Variants in PTPRT observed in about 807,000 individuals in gnomAD.
PTPRT encodes receptor-type tyrosine-protein phosphatase T.
PTPRT carries 56 observed loss-of-function variants against 176.8 expected under a neutral mutation model. The observed-to-expected ratio is 0.32, with a 90% CI of 0.26 to 0.40. The LOEUF (loss-of-function observed/expected upper bound fraction) is 0.40. PTPRT is among the 10% of genes least tolerant of loss of function. The pLI, the probability that PTPRT is intolerant of heterozygous loss-of-function variation, is 1.00. For synonymous variants in PTPRT, 783 were observed against 739.0 expected (o/e 1.06, Z -0.96); for missense variants, 1,540 against 1,908.2 (o/e 0.81, Z 3.60).
intron 6 of PTPRT, among the ~76,000 whole-genome samples, chr20:42,693,258 A>G (rs1360498305): frequency 2.6e-5 from 4 of 152,192 alleles, no homozygotes; most frequent in Non-Finnish European, 5.9e-5. Context: ...CATGAATTAG[A>G]AGAATCAATA....
intron 7 of PTPRT, among the ~76,000 whole-genome samples, chr20:42,630,545 C>T (rs1332468560): frequency 1.3e-5 from 2 of 152,160 alleles, no homozygotes; most frequent in Non-Finnish European, 2.9e-5. Flanking sequence ...GGGTTTCAGG[C>T]TAGCTTGCTA....
intron 4 of PTPRT, among the ~76,000 whole-genome samples, chr20:42,775,064 G>T (rs1363313020): frequency 6.6e-6 from 1 of 152,096 alleles, no homozygotes; most frequent in Non-Finnish European, 1.5e-5. Flanking sequence ...GGTTGACCTT[G>T]GTACCCAGGT....
At chr20:43,031,905 A>C (rs781279013) in intron 1 of PTPRT, among the ~76,000 whole-genome samples, 3 of 151,910 alleles carry the variant, frequency 2.0e-5, no homozygotes, top group Non-Finnish European at 4.4e-5. Flanking sequence ...AGGTAACTGT[A>C]CTCCCCAACC....
At chr20:42,759,162 G>A (rs758252682) in intron 5 of PTPRT, among the ~76,000 whole-genome samples, 7 of 152,184 alleles carry the variant, frequency 4.6e-5, no homozygotes, top group Non-Finnish European at 8.8e-5. Flanking sequence ...GGCATTTCAG[G>A]GCCACCATGG....
chr20:42,590,927 C>CGTGTGTGTGTGT (rs11468131), intron 7 of PTPRT, among the ~76,000 whole-genome samples: 3 of 130,996 alleles, frequency 2.3e-5, no homozygotes, highest in Non-Finnish European at 3.3e-5. Flanking sequence ...AGAGATTTAG[C>CGTGTGTGTGTGT]GTGTGTGTGT....
chr20:42,538,998 T>C (rs1375372157), intron 7 of PTPRT, among the ~76,000 whole-genome samples: 1 of 152,222 alleles, frequency 6.6e-6, no homozygotes, highest in Non-Finnish European at 1.5e-5. Flanking sequence ...GTATTTCACA[T>C]TGATTTATGT....
intron 6 of PTPRT, among the ~76,000 whole-genome samples, chr20:42,689,358 A>C (rs551214453): frequency 9.0e-4 from 137 of 152,262 alleles, no homozygotes; most frequent in Non-Finnish European, 1.4e-3. Context: ...TGGGCGGCCC[A>C]ACTCCAGGGG....
At chr20:42,230,718 G>A (rs2056116368) in intron 15 of PTPRT, among the ~76,000 whole-genome samples, 1 of 152,188 alleles carries the variant, frequency 6.6e-6, no homozygotes, top group Non-Finnish European at 1.5e-5. Flanking sequence ...GTGTTTCTAT[G>A]AGTGTTCCAG....
At chr20:42,206,753 C>G (rs545307555) in intron 15 of PTPRT, among the ~76,000 whole-genome samples, 43 of 152,334 alleles carry the variant, frequency 2.8e-4, no homozygotes, top group Admixed American at 3.9e-4. Flanking sequence ...CAAAGCAGCC[C>G]GGAAGCTCGA....
intron 1 of PTPRT, among the ~76,000 whole-genome samples, chr20:43,133,352 A>C (rs913746075): frequency 5.3e-5 from 8 of 152,224 alleles, no homozygotes; most frequent in African/African-American, 1.9e-4. Context: ...TCTTCATGCA[A>C]GTTACAGCTA....
chr20:43,145,204 T>C (rs938505012), intron 1 of PTPRT, among the ~76,000 whole-genome samples: 9 of 152,358 alleles, frequency 5.9e-5, no homozygotes, highest in Admixed American at 1.3e-4. Context: ...GTCTCCCTAG[T>C]CCTGACACAT....
At chr20:42,037,086 A>T in the PTPRT span, among the ~76,000 whole-genome samples, 1 of 152,218 alleles carries the variant, frequency 6.6e-6, no homozygotes, top group Non-Finnish European at 1.5e-5. Context: ...GCAGAAGCAA[A>T]CAGGCATCCC....
intron 6 of PTPRT, among the ~76,000 whole-genome samples, chr20:42,732,401 G>A (rs982101515): frequency 2.0e-5 from 3 of 152,132 alleles, no homozygotes; most frequent in Admixed American, 6.5e-5. Context: ...TACTACTCAC[G>A]CAATAAATAT....
intron 2 of PTPRT, among the ~76,000 whole-genome samples, chr20:42,839,613 CCCTT>C (rs1192712217): frequency 3.3e-5 from 5 of 152,056 alleles, no homozygotes. Flanking sequence ...AGCAGCGATT[CCCTT>C]GAATCCTGCT....
At chr20:42,788,618 C>A (rs1171004092) in intron 3 of PTPRT, among the ~76,000 whole-genome samples, 1 of 152,094 alleles carries the variant, frequency 6.6e-6, no homozygotes, top group Non-Finnish European at 1.5e-5. Flanking sequence ...ACAGTCATTG[C>A]CATTATATCT....
intron 29 of PTPRT, among the ~76,000 whole-genome samples, chr20:42,083,249 T>G (rs533014224): frequency 1.3e-5 from 2 of 150,664 alleles, no homozygotes; most frequent in South Asian, 4.2e-4. Context: ...AAGAGGTGAG[T>G]AGACACAGGG....
chr20:42,657,679 G>A (rs923604519), intron 7 of PTPRT, among the ~76,000 whole-genome samples: 1 of 152,182 alleles, frequency 6.6e-6, no homozygotes, highest in Non-Finnish European at 1.5e-5. Flanking sequence ...GGAAATTGTA[G>A]ATAACTGATA....
chr20:42,554,502 C>G (rs1753717478), intron 7 of PTPRT, among the ~76,000 whole-genome samples: 1 of 152,106 alleles, frequency 6.6e-6, no homozygotes, highest in Non-Finnish European at 1.5e-5. Flanking sequence ...AGCACAGGTC[C>G]CAATTGCCTA....
At chr20:42,754,191 A>T (rs907185667) in intron 6 of PTPRT, among the ~76,000 whole-genome samples, 1 of 147,334 alleles carries the variant, frequency 6.8e-6, no homozygotes, top group South Asian at 2.2e-4. Flanking sequence ...TCTTCAAAAA[A>T]AATTTTTTTT....
Sources: gnomAD v4.1 joint callset for allele counts (sites outside exome capture counted in the v4.1 genomes callset) on GRCh38, gnomAD v4.1.1 for gene constraint, MANE v1.5 for transcripts, NCBI Gene and HGNC (gene_info 2026-07-23, HGNC 2026-07-21) for gene names.